The following UBXN6 variants were observed in gnomAD, a reference collection of about 807,000 sequenced individuals.
UBXN6 encodes the protein UBX domain-containing protein 6.
In UBXN6, 44 loss-of-function variants were observed where a neutral mutation model predicts 51.4. That is an observed-to-expected ratio of 0.86 (90% CI 0.67 to 1.10). UBXN6 has a LOEUF of 1.10. Ranked by LOEUF, UBXN6 falls within the 50% of genes least tolerant of loss-of-function variation. The pLI, the probability that UBXN6 is intolerant of heterozygous loss-of-function variation, is 0.00. For missense variants in UBXN6, 672 were observed against 596.1 expected, an observed-to-expected ratio of 1.13 and a Z score of -1.32; for synonymous variants, 316 against 263.2, an observed-to-expected ratio of 1.20 and a Z score of -1.94.
rs754221360 is a variant in UBXN6 at position 4,446,234 on chromosome 19, G to A, written c.1052-37C>T. On this transcript the variant is annotated intron_variant, in intron 9 of 10. Transcript: ENST00000301281. ...GGGAGTCAGAGCGGGTGGGGCCCAGGGCCCCCTACCAACCCGAGCCGCCCT... is the reference window on the plus strand; with the variant it reads ...GGGAGTCAGAGCGGGTGGGGCCCAGAGCCCCCTACCAACCCGAGCCGCCCT... 17 of 1,577,360 alleles carry A rather than the reference G, an allele frequency of 1.1e-5. No homozygotes were observed. In the African/African-American group the frequency reaches 2.3e-4, roughly 21 times the overall value.
Position 4,446,301 on chromosome 19 carries a change from C to T in UBXN6, c.1033G>A (p.Asp345Asn), listed in dbSNP as rs556207850. Reference sequence around the variant, plus strand: ...TGCCCACCCTGCAGGAGGCAGCCATCGGGGAGGCGCACGCGCAGCAGCGTG... The same window carrying T: ...TGCCCACCCTGCAGGAGGCAGCCATTGGGGAGGCGCACGCGCAGCAGCGTG... ...NYTLLRVRLPDGCLLQGTFYA... is the reference protein window; with the variant it reads ...NYTLLRVRLPNGCLLQGTFYA... Residue 345 changes from aspartate to asparagine, a missense_variant, in exon 9 of 11, where the codon GAT (aspartate) becomes AAT (asparagine). By Grantham distance (23) the Asp-to-Asn change is conservative. Transcript: ENST00000301281. The T allele has an allele frequency of 1.4e-5, 22 of 1,571,142 alleles. No homozygotes were observed. The highest frequency in any genetic ancestry group is 3.3e-4 in the Middle Eastern group (2 of 5,982).
At chr19:4,454,912 A>C (rs964968134) in intron 1 of UBXN6, 1 of 152,288 alleles carries the variant, frequency 6.6e-6, no homozygotes, top group African/African-American at 2.4e-5. Flanking sequence ...CCCATTCCTA[A>C]ACCCAAGAGG....
At chr19:4,452,131 AGAGT>A (rs1974662937) in intron 4 of UBXN6, among the ~76,000 whole-genome samples, 1 of 150,974 alleles carries the variant, frequency 6.6e-6, no homozygotes, top group Admixed American at 6.6e-5. Flanking sequence ...CCTGGGTGTC[AGAGT>A]GAGACTCCAT....
intron 4 of UBXN6, among the ~76,000 whole-genome samples, chr19:4,451,182 G>A (rs1332564013): frequency 6.6e-6 from 1 of 152,150 alleles, no homozygotes; most frequent in Non-Finnish European, 1.5e-5. Flanking sequence ...TCAGTCTCCT[G>A]AGTAGCTGGG....
At chr19:4,452,307 G>C (rs983493191) in intron 4 of UBXN6, 57 bp downstream of exon 4, 1 of 1,593,254 alleles carries the variant, frequency 6.3e-7, no homozygotes, top group Admixed American at 1.7e-5. Context: ...CCGATGGAGG[G>C]TGGCTCAGGC....
chr19:4,453,978 G>A lies in UBXN6; in HGVS notation c.199C>T (p.Gln67Ter). Residue 67 changes from glutamine (Q) to a stop codon, truncating the protein, a stop_gained, in exon 2 of 11, where the codon CAG (glutamine) becomes TAG (stop). Transcript: ENST00000301281. LOFTEE classifies it high-confidence loss of function. ...GATGTGGGGCCCCAGGCCCGGGACT[G>A]CTTCTGCTCCAGCCGGGCTAGGGCG... ...AAALARLEQK[Q>*]SRAWGPTSQD... is the part of the protein sequence containing the mutation. 1 of 1,611,254 alleles carries A rather than the reference G, an allele frequency of 6.2e-7. No homozygotes were observed. Among genetic ancestry groups the A allele is most frequent in the South Asian group, 1.1e-5 (1 of 91,050 alleles).
At chr19:4,456,848 G>T (rs1974746145) in intron 1 of UBXN6, among the ~76,000 whole-genome samples, 2 of 152,096 alleles carry the variant, frequency 1.3e-5, no homozygotes, top group Middle Eastern at 3.4e-3. Context: ...CCCCTCCCGG[G>T]TAAGAGTCCA....
intron 4 of UBXN6, chr19:4,450,688 G>A (rs374105434): frequency 7.1e-6 from 1 of 140,986 alleles, no homozygotes; most frequent in Non-Finnish European, 1.5e-5. Context: ...GAACCTCGTA[G>A]GCGGAGCTTG....
rs1238447152 is a variant in UBXN6, at chr19:4,445,345, C to T, written c.*153G>A. 3.0e-6 allele frequency: 4 copies of T among 1,342,624 alleles called. No homozygotes were observed. The Admixed American group carries it at 6.5e-5, about 22-fold the overall frequency. The allele number at this position is 1,342,624 out of a possible 1,614,324, so 83.2% of individuals were successfully genotyped here. A position where few individuals can be genotyped will look rare whatever the true frequency, so the allele number is the denominator to read the frequency against. Reference sequence around the variant, plus strand: ...GGGATGGGGGCTCTGCCACGGGGCCCAATTCCACAGCTCCACGGCTGGCGC... The same window carrying T: ...GGGATGGGGGCTCTGCCACGGGGCCTAATTCCACAGCTCCACGGCTGGCGC... On this transcript the variant is annotated 3_prime_UTR_variant, in exon 11 of 11. Coordinates refer to ENST00000301281, the MANE Select transcript of UBXN6 (RefSeq NM_025241.3).
At chr19:4,447,024 TCGACCC>T in intron 6 of UBXN6, 104 bp from the exon 7 acceptor site, 3 of 1,186,506 alleles carry the variant, frequency 2.5e-6, no homozygotes, top group Non-Finnish European at 3.6e-6. Flanking sequence ...GGAGCAGCTG[TCGACCC>T]CTGGATGGGG....
intron 1 of UBXN6, chr19:4,455,451 T>C (rs1401914800): frequency 7.7e-6 from 2 of 261,434 alleles, no homozygotes; most frequent in Middle Eastern, 1.8e-3. Context: ...TCCAACAAAA[T>C]GCCATTTCCC....
intron 1 of UBXN6, chr19:4,455,325 GC>G: frequency 1.0e-6 from 1 of 984,788 alleles, no homozygotes; most frequent in Non-Finnish European, 1.2e-6. Context: ...TACCCGGGCA[GC>G]CCTCCCTCCT....
intron 1 of UBXN6, among the ~76,000 whole-genome samples, chr19:4,456,511 A>G (rs1323995783): frequency 6.6e-6 from 1 of 150,782 alleles, no homozygotes; most frequent in African/African-American, 2.4e-5. Context: ...CCTCTCCATC[A>G]GTCCCCACCA....
At position 4,457,626 on chromosome 19, in the gene UBXN6, T is replaced by C. The variant is rs1380983274; in HGVS notation, c.72A>G (p.Lys24=). The C allele has an allele frequency of 6.3e-7, 1 of 1,596,494 alleles. No individual in the cohort carries two copies. The highest frequency in any genetic ancestry group is 8.5e-7 in the Non-Finnish European group (1 of 1,172,436). Residue 24 remains lysine (K), a synonymous_variant, in exon 1 of 11, where the codon AAA becomes AAG. Transcript: ENST00000301281. ...CGTTCCTCACGCACCCCACGGACTC[T>C]TTGAGCTTCTGACCGGGTCCCGCGC... ...FKSAGPGQKL[K]ESVGEKAHKE...
chr19:4,447,508 C>A, intron 6 of UBXN6, 42 bp downstream of exon 6: 2 of 1,610,004 alleles, frequency 1.2e-6, no homozygotes, highest in Non-Finnish European at 1.7e-6. Flanking sequence ...CCAGCTGCCC[C>A]CACCCCCAGC....
At chr19:4,454,221 G>T in intron 1 of UBXN6, 128 bp from the exon 2 acceptor site, 1 of 1,093,498 alleles carries the variant, frequency 9.1e-7, no homozygotes, top group Non-Finnish European at 1.3e-6. Context: ...GCCTATGTGG[G>T]CCAGGACACC....
chr19:4,453,378 G>T, intron 3 of UBXN6, 80 bp downstream of exon 3: 1 of 1,504,996 alleles, frequency 6.6e-7, no homozygotes, highest in Non-Finnish European at 9.1e-7. Flanking sequence ...CCCAAGGGCA[G>T]AGGCCACATC....
intron 2 of UBXN6, 112 bp from the exon 3 acceptor site, chr19:4,453,634 A>T: frequency 7.6e-7 from 1 of 1,315,296 alleles, no homozygotes; most frequent in East Asian, 2.5e-5. Flanking sequence ...ACACCGCCCC[A>T]GCCTGCTTCT....
chr19:4,453,989 A>G lies in UBXN6; in HGVS notation c.188T>C (p.Leu63Pro). The change falls in exon 2 of 11, where the codon CTG becomes CCG. Residue 63 changes from leucine (L) to proline (P), a missense_variant. Physicochemically the swap from Leu to Pro is moderately conservative, Grantham distance 98. Coordinates refer to ENST00000301281, the MANE Select transcript of UBXN6 (RefSeq NM_025241.3). ...QMAAAAALAR[L>P]EQKQSRAWGP... ...CCAGGCCCGGGACTGCTTCTGCTCC[A>G]GCCGGGCTAGGGCGGCAGCGGCTGC... The G allele has an allele frequency of 1.2e-6, 2 of 1,610,770 alleles. No individual in the cohort carries two copies. The highest frequency in any genetic ancestry group is 1.7e-6 in the Non-Finnish European group (2 of 1,179,572).
Sources: gnomAD v4.1 joint callset for allele counts (sites outside exome capture counted in the v4.1 genomes callset) on GRCh38, gnomAD v4.1.1 for gene constraint, MANE v1.5 for transcripts, NCBI Gene and HGNC (gene_info 2026-07-23, HGNC 2026-07-21) for gene names.